BICD1: variants seen among roughly 807,000 people sequenced by gnomAD.
BICD1 encodes the protein BICD cargo adaptor 1, also known as protein bicaudal D homolog 1.
BICD1 carries 35 observed loss-of-function variants against 92.5 expected under a neutral mutation model. That is an observed-to-expected ratio of 0.38 (90% confidence interval 0.29 to 0.50). The LOEUF (loss-of-function observed/expected upper bound fraction) is 0.50. BICD1 is among the 20% of genes least tolerant of loss of function. The probability of loss-of-function intolerance (pLI) is 0.93; values close to 1 mark genes in which losing one functional copy is unlikely to be tolerated. For synonymous variants in BICD1, 429 were observed against 465.1 expected, an observed-to-expected ratio of 0.92 and a Z score of 1.00; for missense variants, 950 against 1,189.8, an observed-to-expected ratio of 0.80 and a Z score of 2.97.
chr12:32,196,733 T>C (rs1267468255), intron 1 of BICD1, among the ~76,000 whole-genome samples: 2 of 152,144 alleles, frequency 1.3e-5, no homozygotes, highest in Non-Finnish European at 2.9e-5. Context: ...GACGATACTG[T>C]GTTTACTTGA....
intron 3 of BICD1, among the ~76,000 whole-genome samples, chr12:32,299,566 G>C (rs1947975014): frequency 6.6e-6 from 1 of 152,058 alleles, no homozygotes; most frequent in Non-Finnish European, 1.5e-5. Context: ...AAGCTGCCCA[G>C]ACAGAAAGAG....
intron 8 of BICD1, chr12:32,340,308 A>G: frequency 1.0e-6 from 1 of 985,336 alleles, no homozygotes; most frequent in Non-Finnish European, 1.2e-6. Flanking sequence ...ACCTAAGAAG[A>G]AAAAAAGTAA....
At chr12:32,235,087 C>T (rs942658953) in intron 2 of BICD1, among the ~76,000 whole-genome samples, 8 of 152,146 alleles carry the variant, frequency 5.3e-5, no homozygotes, top group African/African-American at 1.9e-4. Flanking sequence ...AGGCTTGGCA[C>T]ACAATATTCC....
At chr12:32,297,903 T>C (rs77943489) in intron 3 of BICD1, among the ~76,000 whole-genome samples, 21,515 of 152,010 alleles carry the variant, frequency 0.14, 2,091 homozygotes, top group African/African-American at 0.27. Flanking sequence ...ATAAGAAAAC[T>C]GGCCAGGCAC....
At chr12:32,261,481 G>T (rs1946858777) in intron 2 of BICD1, among the ~76,000 whole-genome samples, 1 of 152,206 alleles carries the variant, frequency 6.6e-6, no homozygotes, top group African/African-American at 2.4e-5. Context: ...AGTGTATGGG[G>T]ATGTGAAGAC....
chr12:32,332,347 C>A (rs1241873581), intron 5 of BICD1: 1 of 680,230 alleles, frequency 1.5e-6, no homozygotes, highest in Non-Finnish European at 1.8e-6. Context: ...ATGTAACAAA[C>A]CTGCACATCC....
chr12:32,169,397 G>T (rs966088375), intron 1 of BICD1, among the ~76,000 whole-genome samples: 6 of 152,084 alleles, frequency 3.9e-5, no homozygotes, highest in African/African-American at 1.4e-4. Context: ...GGGAGAGAGT[G>T]AAAGGAAGGG....
chr12:32,368,667 C>T (rs1033197448), intron 9 of BICD1, among the ~76,000 whole-genome samples: 3 of 151,768 alleles, frequency 2.0e-5, no homozygotes, highest in African/African-American at 7.3e-5. Context: ...TGCACTCCAG[C>T]CTAGGTGACA....
rs577447623 is a variant in BICD1, at chr12:32,345,142, G to A, written c.2764+6163G>A. ...TCTCTACATTAAAATTTAAAAATTA[G>A]CTGGATGTGCTGGCATGCACTCATA... On this transcript the variant is annotated intron_variant, in intron 8 of 9. Transcript: ENST00000652176. Among the ~76,000 whole-genome samples the A allele has an allele frequency of 2.0e-5, 3 of 152,004 alleles. No individual in the cohort carries two copies. The South Asian group carries it at 6.2e-4, about 32-fold the overall frequency.
At chr12:32,316,702 T>G (rs973431786) in intron 4 of BICD1, among the ~76,000 whole-genome samples, 1 of 152,170 alleles carries the variant, frequency 6.6e-6, no homozygotes, top group Non-Finnish European at 1.5e-5. Flanking sequence ...TTTTTTTCTT[T>G]TTTTAAAATT....
intron 2 of BICD1, among the ~76,000 whole-genome samples, chr12:32,293,571 C>A (rs773617660): frequency 6.6e-6 from 1 of 151,848 alleles, no homozygotes; most frequent in African/African-American, 2.4e-5. Flanking sequence ...CTCAGGTGAT[C>A]CACCTACCTT....
chr12:32,316,441 C>A (rs1030474675), intron 4 of BICD1, among the ~76,000 whole-genome samples: 9 of 151,754 alleles, frequency 5.9e-5, no homozygotes, highest in Non-Finnish European at 1.2e-4. Context: ...CAGGCACGTG[C>A]CACCACGCCC....
intron 2 of BICD1, among the ~76,000 whole-genome samples, chr12:32,278,364 G>A (rs1393989266): frequency 6.6e-6 from 1 of 152,194 alleles, no homozygotes; most frequent in Non-Finnish European, 1.5e-5. Context: ...AACAGAGAAA[G>A]AGAAAGAACA....
At chr12:32,236,507 C>T (rs929922038) in intron 2 of BICD1, among the ~76,000 whole-genome samples, 6 of 152,110 alleles carry the variant, frequency 3.9e-5, no homozygotes, top group African/African-American at 9.7e-5. Context: ...CTCAGACCTC[C>T]CTATTCCATG....
intron 9 of BICD1, among the ~76,000 whole-genome samples, chr12:32,370,756 G>C (rs1197976167): frequency 6.6e-6 from 1 of 152,214 alleles, no homozygotes; most frequent in Non-Finnish European, 1.5e-5. Context: ...TCCTGGCTTG[G>C]AGTGTCTGCT....
intron 2 of BICD1, among the ~76,000 whole-genome samples, chr12:32,242,323 C>T (rs946554753): frequency 6.7e-6 from 1 of 149,072 alleles, no homozygotes; most frequent in Non-Finnish European, 1.5e-5. Context: ...GTCAGGAGTT[C>T]GAGACCAGCC....
chr12:32,111,150 A>G (rs1057423455), intron 1 of BICD1, among the ~76,000 whole-genome samples: 2 of 152,326 alleles, frequency 1.3e-5, no homozygotes, highest in Non-Finnish European at 2.9e-5. Context: ...TGCAGCTTGG[A>G]TACCGTAAAC....
intron 3 of BICD1, among the ~76,000 whole-genome samples, chr12:32,298,198 G>GA (rs750772718): frequency 1.6e-4 from 24 of 145,460 alleles, no homozygotes; most frequent in East Asian, 8.0e-4. Flanking sequence ...AAAAAAATGG[G>GA]AAAAAAAAAA....
chr12:32,190,605 T>C (rs1944538701), intron 1 of BICD1, among the ~76,000 whole-genome samples: 1 of 152,176 alleles, frequency 6.6e-6, no homozygotes, highest in African/African-American at 2.4e-5. Context: ...ATAAAGCACA[T>C]ATTAACAGAG....
Sources: allele counts gnomAD v4.1 joint callset (sites outside exome capture counted in the v4.1 genomes callset), GRCh38; gene constraint gnomAD v4.1.1; transcripts MANE v1.5; gene names NCBI Gene and HGNC (gene_info 2026-07-23, HGNC 2026-07-21).